HCN1: variants seen among roughly 807,000 people sequenced by gnomAD.
HCN1 encodes potassium/sodium hyperpolarization-activated cyclic nucleotide-gated channel 1.
In HCN1, 13 loss-of-function variants were observed where a neutral mutation model predicts 78.9. The ratio of observed to expected loss-of-function variants is 0.16; its 90% confidence interval spans 0.11 to 0.26. The LOEUF (loss-of-function observed/expected upper bound fraction) is 0.26, where lower values mean the gene tolerates loss of function less well. HCN1 is among the 10% of genes least tolerant of loss of function. HCN1 has a pLI of 1.00. For synonymous variants in HCN1, 552 were observed against 455.5 expected (o/e 1.21, Z -2.70); for missense variants, 810 against 1,154.3 (o/e 0.70, Z 4.32).
chr5:45,572,766 C>G (rs949400408), intron 2 of HCN1, among the ~76,000 whole-genome samples: 40 of 152,230 alleles, frequency 2.6e-4, no homozygotes, highest in African/African-American at 9.4e-4. Flanking sequence ...ACCAATTTAG[C>G]TATTGAGGAT....
At chr5:45,500,697 G>T (rs1742170015) in intron 2 of HCN1, among the ~76,000 whole-genome samples, 1 of 152,174 alleles carries the variant, frequency 6.6e-6, no homozygotes, top group East Asian at 1.9e-4. Flanking sequence ...GGTGATATAG[G>T]TCACAAGGTT....
intron 3 of HCN1, among the ~76,000 whole-genome samples, chr5:45,431,321 A>T (rs1740459223): frequency 6.6e-6 from 1 of 151,854 alleles, no homozygotes; most frequent in Admixed American, 6.6e-5. Flanking sequence ...TAATTTATTC[A>T]TAGATTTTGG....
chr5:45,485,620 T>C (rs545527962), intron 2 of HCN1, among the ~76,000 whole-genome samples: 1 of 152,306 alleles, frequency 6.6e-6, no homozygotes, highest in South Asian at 2.1e-4. Context: ...GTTTCTTTTT[T>C]TCCAAAGAAT....
chr5:45,349,094 C>T (rs940463798), intron 5 of HCN1, among the ~76,000 whole-genome samples: 4 of 152,118 alleles, frequency 2.6e-5, no homozygotes, highest in African/African-American at 4.8e-5. Context: ...CACACCACAC[C>T]TCTTCCAAAA....
At chr5:45,382,438 C>T (rs1225551869) in intron 4 of HCN1, among the ~76,000 whole-genome samples, 2 of 152,098 alleles carry the variant, frequency 1.3e-5, no homozygotes, top group African/African-American at 2.4e-5. Flanking sequence ...TATGAATTAA[C>T]TGGATAACTC....
intron 5 of HCN1, among the ~76,000 whole-genome samples, chr5:45,345,201 G>T (rs1648530108): frequency 1.3e-5 from 2 of 152,154 alleles, no homozygotes; most frequent in Non-Finnish European, 2.9e-5. Flanking sequence ...AAACAACTGG[G>T]ATGCAGGGCA....
intron 2 of HCN1, among the ~76,000 whole-genome samples, chr5:45,637,048 T>C (rs1745370882): frequency 6.6e-6 from 1 of 152,052 alleles, no homozygotes; most frequent in Non-Finnish European, 1.5e-5. Context: ...TTAGATTCTA[T>C]GAGATTGGAC....
At chr5:45,458,654 G>C (rs530053318) in intron 3 of HCN1, among the ~76,000 whole-genome samples, 1 of 152,050 alleles carries the variant, frequency 6.6e-6, no homozygotes, top group Non-Finnish European at 1.5e-5. Flanking sequence ...GCACAAAACC[G>C]TCCAACATGG....
chr5:45,327,015 A>G (rs1026145205), intron 5 of HCN1, among the ~76,000 whole-genome samples: 1 of 151,706 alleles, frequency 6.6e-6, no homozygotes, highest in Admixed American at 6.6e-5. Flanking sequence ...ACTAAAATTA[A>G]GGAATTGTAT....
At position 45,258,061 on chromosome 5, in the gene HCN1, A is replaced by G. The variant is rs201835885; in HGVS notation, c.*3860T>C. On this transcript the variant is annotated 3_prime_UTR_variant, in exon 8 of 8. Coordinates refer to ENST00000303230, the MANE Select transcript of HCN1 (RefSeq NM_021072.4). ...TGGCACATGTTCTAAAAAGATAAAG[A>G]TATAATGGAGAGATATCTCATTCAA... is the stretch of plus-strand genomic sequence containing the variant. 4 of 152,264 alleles carry G rather than the reference A, an allele frequency of 2.6e-5. No homozygotes were observed. In the East Asian group the frequency reaches 7.7e-4, roughly 29 times the overall value. 9.4% of individuals were successfully genotyped at this position (152,264 alleles called of 1,614,324 possible). A position where few individuals can be genotyped will look rare whatever the true frequency, so the allele number is the denominator to read the frequency against.
chr5:45,668,545 A>G (rs1746093572), intron 1 of HCN1, among the ~76,000 whole-genome samples: 1 of 151,944 alleles, frequency 6.6e-6, no homozygotes. Flanking sequence ...GTATCTTTAA[A>G]GCAGTGTGAA....
chr5:45,628,122 A>T (rs1745202463), intron 2 of HCN1, among the ~76,000 whole-genome samples: 1 of 152,208 alleles, frequency 6.6e-6, no homozygotes, highest in African/African-American at 2.4e-5. Context: ...TTGGTGGCAT[A>T]AGCAAACAAT....
intron 2 of HCN1, among the ~76,000 whole-genome samples, chr5:45,504,059 G>A (rs1046042057): frequency 6.6e-6 from 1 of 151,994 alleles, no homozygotes; most frequent in African/African-American, 2.4e-5. Context: ...TGCTAGGATT[G>A]CAGGCATGAG....
At chr5:45,539,960 A>AT (rs1743064622) in intron 2 of HCN1, among the ~76,000 whole-genome samples, 36 of 124,014 alleles carry the variant, frequency 2.9e-4, no homozygotes, top group Admixed American at 1.7e-3. Flanking sequence ...ATATATATAT[A>AT]AAATGTTTAT....
rs573773483 is a variant in HCN1, at chr5:45,294,252, T to A, written c.1618+9347A>T. Among the ~76,000 whole-genome samples the A allele has an allele frequency of 6.4e-4, 97 of 152,166 alleles. 1 individual carries two copies. Among genetic ancestry groups the A allele is most frequent in the Middle Eastern group, 6.8e-3 (2 of 294 alleles). On this transcript the variant is annotated intron_variant, in intron 6 of 7. Transcript: ENST00000303230. ...TGTGGTTTTTTCGAATCGGTGTCTCTAAATTTAAAAATGTCAAATAATCAT... is the reference window on the plus strand; with the variant it reads ...TGTGGTTTTTTCGAATCGGTGTCTCAAAATTTAAAAATGTCAAATAATCAT...
At chr5:45,498,302 T>C (rs1742095585) in intron 2 of HCN1, among the ~76,000 whole-genome samples, 1 of 152,198 alleles carries the variant, frequency 6.6e-6, no homozygotes, top group South Asian at 2.1e-4. Context: ...TTCTTTTTTC[T>C]CTAAACTTCA....
At position 45,348,713 on chromosome 5, in the gene HCN1, G is replaced by T. The variant is rs546433593; in HGVS notation, c.1377+4387C>A. 2.6e-3 allele frequency among the ~76,000 whole-genome samples: 395 copies of T among 152,120 alleles called. 1 individual carries two copies. Among genetic ancestry groups the T allele is most frequent in the African/African-American group, 9.0e-3 (374 of 41,512 alleles). On this transcript the variant is annotated intron_variant, in intron 5 of 7. Coordinates refer to ENST00000303230, the MANE Select transcript of HCN1 (RefSeq NM_021072.4). ...AAATGGAAAACAAAAAAAAGGCAAG[G>T]GTTGCAATCCTAGTCTCTGATAAAA...
At chr5:45,264,551 G>T (rs940589696) in intron 7 of HCN1, among the ~76,000 whole-genome samples, 8 of 152,062 alleles carry the variant, frequency 5.3e-5, no homozygotes, top group African/African-American at 1.9e-4. Context: ...TTAAATGACT[G>T]CCAAAATAGT....
At chr5:45,602,635 T>C (rs1744647205) in intron 2 of HCN1, among the ~76,000 whole-genome samples, 1 of 152,172 alleles carries the variant, frequency 6.6e-6, no homozygotes, top group Non-Finnish European at 1.5e-5. Context: ...TGGGTACTTC[T>C]ATGATTGCTG....
Sources: allele counts gnomAD v4.1 joint callset (sites outside exome capture counted in the v4.1 genomes callset), GRCh38; gene constraint gnomAD v4.1.1; transcripts MANE v1.5; gene names NCBI Gene and HGNC (gene_info 2026-07-23, HGNC 2026-07-21).